PRIM2: variants seen among roughly 807,000 people sequenced by gnomAD.
PRIM2 encodes DNA primase large subunit.
PRIM2 carries 39 observed loss-of-function variants against 67.3 expected under a neutral mutation model. That is an observed-to-expected ratio of 0.58 (90% confidence interval 0.45 to 0.76). The LOEUF (loss-of-function observed/expected upper bound fraction) is 0.76. Ranked by LOEUF, PRIM2 falls within the 30% of genes least tolerant of loss-of-function variation. The pLI is 0.00. For missense variants in PRIM2, 398 were observed against 598.7 expected (o/e 0.66, Z 3.50); for synonymous variants, 143 against 198.7 (o/e 0.72, Z 2.36).
At position 57,634,217 on chromosome 6, in the gene PRIM2, G is replaced by C. The variant is rs1476971361; in HGVS notation, c.1299+2016G>C. Among the ~76,000 whole-genome samples the C allele has an allele frequency of 4.3e-4, 65 of 151,114 alleles. No individual in the cohort carries two copies. In the South Asian group the frequency reaches 0.01, roughly 23 times the overall value. On this transcript the variant is annotated intron_variant, in intron 13 of 13. Transcript: ENST00000615550. ...CAGCAGAGGTAATTGGCATTTTCCTGTTTATCTTCATAGCATGGTAAACAG... is the reference window on the plus strand; with the variant it reads ...CAGCAGAGGTAATTGGCATTTTCCTCTTTATCTTCATAGCATGGTAAACAG...
chr6:57,504,104 G>A (rs1554347101), intron 7 of PRIM2, among the ~76,000 whole-genome samples: 1 of 152,248 alleles, frequency 6.6e-6, no homozygotes, highest in African/African-American at 2.4e-5. Flanking sequence ...GTGGCCTGAG[G>A]AACCTGCTTT....
At chr6:57,463,579 G>C (rs1773081768) in intron 7 of PRIM2, among the ~76,000 whole-genome samples, 1 of 152,172 alleles carries the variant, frequency 6.6e-6, no homozygotes. Flanking sequence ...TCCTGATTTG[G>C]TTCTATGATT....
chr6:57,615,935 T>A (rs1413022760), intron 12 of PRIM2, among the ~76,000 whole-genome samples: 1 of 152,148 alleles, frequency 6.6e-6, no homozygotes, highest in East Asian at 1.9e-4. Flanking sequence ...ATAGGAAAAT[T>A]GTCTTTTTGT....
the PRIM2 span, among the ~76,000 whole-genome samples, chr6:57,282,256 T>C: frequency 2.6e-5 from 4 of 152,244 alleles, no homozygotes; most frequent in Non-Finnish European, 2.9e-5. Context: ...TATTTCACAG[T>C]ACTGATCATA....
At chr6:57,354,022 C>G (rs1322960938) in intron 5 of PRIM2, among the ~76,000 whole-genome samples, 1 of 152,242 alleles carries the variant, frequency 6.6e-6, no homozygotes. Flanking sequence ...GTAATGGCAG[C>G]TTTGCTATTT....
intron 13 of PRIM2, among the ~76,000 whole-genome samples, chr6:57,641,481 A>G (rs1376195614): frequency 6.6e-6 from 1 of 152,202 alleles, no homozygotes; most frequent in Non-Finnish European, 1.5e-5. Context: ...AATTTTTGCA[A>G]TCTATCCATC....
At chr6:57,440,786 G>C (rs1218716786) in intron 7 of PRIM2, among the ~76,000 whole-genome samples, 1 of 152,168 alleles carries the variant, frequency 6.6e-6, no homozygotes, top group Non-Finnish European at 1.5e-5. Flanking sequence ...CAGGAGTCTT[G>C]TTCTCTGTGA....
chr6:57,381,230 T>C (rs1769950656), intron 6 of PRIM2, among the ~76,000 whole-genome samples: 1 of 152,230 alleles, frequency 6.6e-6, no homozygotes, highest in South Asian at 2.1e-4. Flanking sequence ...GATCTGTTTA[T>C]AGTGTGAGAT....
At chr6:57,425,586 A>G (rs1256037263) in intron 7 of PRIM2, among the ~76,000 whole-genome samples, 2 of 152,238 alleles carry the variant, frequency 1.3e-5, no homozygotes, top group Non-Finnish European at 2.9e-5. Context: ...AATATTACTC[A>G]AAGATTAGAA....
At chr6:57,435,916 T>C (rs1771996433) in intron 7 of PRIM2, among the ~76,000 whole-genome samples, 1 of 152,228 alleles carries the variant, frequency 6.6e-6, no homozygotes, top group African/African-American at 2.4e-5. Flanking sequence ...TAGTCACTGA[T>C]CATTTTTAAA....
chr6:57,486,183 G>C (rs1276417505), intron 7 of PRIM2, among the ~76,000 whole-genome samples: 1 of 152,152 alleles, frequency 6.6e-6, no homozygotes, highest in African/African-American at 2.4e-5. Flanking sequence ...GTGAGGAATG[G>C]GACAGAAGAG....
At chr6:57,298,498 G>A in the PRIM2 span, among the ~76,000 whole-genome samples, 20 of 152,270 alleles carry the variant, frequency 1.3e-4, no homozygotes, top group South Asian at 6.2e-4. Flanking sequence ...GGGAAGGCTG[G>A]GCACAGGTGG....
chr6:57,240,091 G>GTTTTTTTTTTTTTTTTTT, the PRIM2 span, among the ~76,000 whole-genome samples: 15 of 90,014 alleles, frequency 1.7e-4, 1 homozygote, highest in African/African-American at 6.2e-4. Flanking sequence ...TCAATAATCT[G>GTTTTTTTTTTTTTTTTTT]TTTTTTTTTT....
chr6:57,551,022 A>T (rs1775390059), intron 10 of PRIM2, among the ~76,000 whole-genome samples: 3 of 152,172 alleles, frequency 2.0e-5, no homozygotes, highest in Admixed American at 2.0e-4. Flanking sequence ...TTTTGCCTGT[A>T]AATCTTTGTT....
intron 8 of PRIM2, among the ~76,000 whole-genome samples, chr6:57,525,924 GGT>G (rs1223831693): frequency 6.6e-6 from 1 of 152,132 alleles, no homozygotes; most frequent in African/African-American, 2.4e-5. Context: ...GATTCCTGAA[GGT>G]GTGTGTGTGG....
chr6:57,640,357 A>G (rs1777208590), intron 13 of PRIM2, among the ~76,000 whole-genome samples: 1 of 152,218 alleles, frequency 6.6e-6, no homozygotes, highest in Non-Finnish European at 1.5e-5. Context: ...CACCACTCCT[A>G]TTCAACACAA....
chr6:57,257,828 G>A, the PRIM2 span, among the ~76,000 whole-genome samples: 3 of 152,106 alleles, frequency 2.0e-5, no homozygotes, highest in African/African-American at 7.2e-5. Context: ...TGGAACAGTG[G>A]GTCGTTCATA....
At chr6:57,564,340 G>A (rs1324912201) in intron 10 of PRIM2, among the ~76,000 whole-genome samples, 2 of 152,152 alleles carry the variant, frequency 1.3e-5, no homozygotes, top group African/African-American at 4.8e-5. Context: ...GATTGACATG[G>A]AGGAAATTCC....
At chr6:57,531,809 G>C (rs1353991407) in intron 8 of PRIM2, among the ~76,000 whole-genome samples, 3 of 152,052 alleles carry the variant, frequency 2.0e-5, no homozygotes, top group African/African-American at 7.3e-5. Flanking sequence ...GCTCTTTCAG[G>C]GGGTTGCAAG....
Sources: gnomAD v4.1 joint callset for allele counts (sites outside exome capture counted in the v4.1 genomes callset) on GRCh38, gnomAD v4.1.1 for gene constraint, MANE v1.5 for transcripts, NCBI Gene and HGNC (gene_info 2026-07-23, HGNC 2026-07-21) for gene names.